SRGAP2: variants seen among roughly 807,000 people sequenced by gnomAD.
The protein encoded by SRGAP2 is SLIT-ROBO Rho GTPase-activating protein 2.
Under a neutral mutation model 57.2 loss-of-function variants are expected in SRGAP2, and 15 were observed. The observed-to-expected ratio is 0.26, with a 90% CI of 0.18 to 0.40. The LOEUF (loss-of-function observed/expected upper bound fraction) is 0.40, where lower values mean the gene tolerates loss of function less well. SRGAP2 is among the 10% of genes least tolerant of loss of function. The probability of loss-of-function intolerance (pLI) is 1.00; values close to 1 mark genes in which losing one functional copy is unlikely to be tolerated. For missense variants in SRGAP2, 520 were observed against 669.6 expected (o/e 0.78, Z 2.47); for synonymous variants, 249 against 248.0 (o/e 1.00, Z -0.04).
chr1:206,432,356 G>A (rs1158550658), intron 14 of SRGAP2, among the ~76,000 whole-genome samples: 4 of 152,160 alleles, frequency 2.6e-5, no homozygotes, highest in Non-Finnish European at 5.9e-5. Flanking sequence ...CTCTTTGGAA[G>A]GGAATTTGGC....
At chr1:206,236,268 T>C (rs1388451464) in intron 2 of SRGAP2, among the ~76,000 whole-genome samples, 1 of 151,644 alleles carries the variant, frequency 6.6e-6, no homozygotes, top group Non-Finnish European at 1.5e-5. Context: ...TTTCAGTGTG[T>C]GGAATCTTGT....
intron 4 of SRGAP2, among the ~76,000 whole-genome samples, chr1:206,359,798 C>CTTTTTTTTTTTTTTTTTTT (rs1166916482): frequency 2.8e-5 from 2 of 70,228 alleles, no homozygotes; most frequent in African/African-American, 1.2e-4. Context: ...GGATATTGCT[C>CTTTTTTTTTTTTTTTTTTT]TTTTTTTTTT....
At chr1:206,356,924 A>G (rs1676484201) in intron 4 of SRGAP2, among the ~76,000 whole-genome samples, 1 of 144,110 alleles carries the variant, frequency 6.9e-6, no homozygotes, top group Non-Finnish European at 1.5e-5. Flanking sequence ...GTTCTCTACA[A>G]ATCATTTGGG....
chr1:206,425,434 T>A (rs1660705459), intron 13 of SRGAP2, among the ~76,000 whole-genome samples: 2 of 152,230 alleles, frequency 1.3e-5, no homozygotes, highest in Non-Finnish European at 2.9e-5. Flanking sequence ...TAAATTATTA[T>A]TAACTATTAT....
At chr1:206,322,565 C>G in intron 3 of SRGAP2, among the ~76,000 whole-genome samples, 1 of 137,806 alleles carries the variant, frequency 7.3e-6, no homozygotes. Context: ...GGGTGACAGA[C>G]CGAGACTCCA....
chr1:206,415,782 A>C, intron 10 of SRGAP2, 107 bp from the exon 11 acceptor site: 1 of 695,074 alleles, frequency 1.4e-6, no homozygotes, highest in Non-Finnish European at 2.6e-6. Flanking sequence ...AAATTGGGTC[A>C]GAAACCAAAT....
chr1:206,347,156 C>T (rs1478406767), intron 4 of SRGAP2, among the ~76,000 whole-genome samples: 19 of 147,654 alleles, frequency 1.3e-4, no homozygotes, highest in Admixed American at 2.7e-4. Context: ...GAGGCTGAGA[C>T]GGGAAGGATC....
chr1:206,456,922 T>G (rs2103412529), intron 21 of SRGAP2, among the ~76,000 whole-genome samples: 1 of 152,280 alleles, frequency 6.6e-6, no homozygotes, highest in South Asian at 2.1e-4. Context: ...CCTTCAAGAC[T>G]CAGTCCGAAG....
rs537664278 is a variant in SRGAP2 at position 206,248,342 on chromosome 1, G to GA, written c.67+42308dup. On this transcript the variant is annotated intron_variant, in intron 2 of 22. Coordinates refer to ENST00000573034, the MANE Select transcript of SRGAP2 (RefSeq NM_015326.5). ...TGGTAACTTCATCCGGCCTCTCAGG[G>GA]AAATAACCAAGTTGTTCAGATTCTT... Among the ~76,000 whole-genome samples the GA allele has an allele frequency of 1.4e-4, 22 of 152,244 alleles. No homozygotes were observed. The East Asian group carries it at 4.1e-3, about 28-fold the overall frequency.
intron 2 of SRGAP2, among the ~76,000 whole-genome samples, chr1:206,281,821 C>A (rs1329398037): frequency 3.3e-4 from 41 of 123,782 alleles, no homozygotes; most frequent in Middle Eastern, 4.1e-3. Flanking sequence ...AACAAACAAA[C>A]AAAAAAAACT....
At chr1:206,370,047 C>T (rs1469041310) in intron 4 of SRGAP2, among the ~76,000 whole-genome samples, 7 of 150,962 alleles carry the variant, frequency 4.6e-5, no homozygotes, top group Admixed American at 1.3e-4. Context: ...GGGCAGATCA[C>T]GAGGTCCGGA....
intron 20 of SRGAP2, chr1:206,453,999 G>A (rs1553377229): frequency 2.2e-5 from 14 of 642,030 alleles, no homozygotes; most frequent in Non-Finnish European, 2.0e-5. Flanking sequence ...GCTGTTGGTT[G>A]ATTCTCACAC....
chr1:206,226,763 A>G (rs1667296199), intron 2 of SRGAP2, among the ~76,000 whole-genome samples: 1 of 152,204 alleles, frequency 6.6e-6, no homozygotes, highest in African/African-American at 2.4e-5. Context: ...TGTTTGTTAA[A>G]GTGAATCACC....
At chr1:206,306,533 C>T (rs1672210793) in intron 3 of SRGAP2, among the ~76,000 whole-genome samples, 2 of 152,092 alleles carry the variant, frequency 1.3e-5, no homozygotes, top group South Asian at 4.1e-4. Flanking sequence ...ACAAACCTTC[C>T]ACCGTGTGGA....
chr1:206,335,126 A>G (rs1266938480), intron 3 of SRGAP2, among the ~76,000 whole-genome samples: 1 of 150,098 alleles, frequency 6.7e-6, no homozygotes, highest in African/African-American at 2.5e-5. Flanking sequence ...AACTGAGTGA[A>G]TGAGTCAGCT....
intron 17 of SRGAP2, among the ~76,000 whole-genome samples, chr1:206,442,794 G>A (rs1553372498): frequency 1.3e-5 from 2 of 152,198 alleles, no homozygotes; most frequent in Non-Finnish European, 2.9e-5. Context: ...GAAGACAGCA[G>A]CTGACAGGTG....
chr1:206,327,941 A>G (rs1446206413), intron 3 of SRGAP2, among the ~76,000 whole-genome samples: 2 of 99,878 alleles, frequency 2.0e-5, no homozygotes, highest in Non-Finnish European at 3.8e-5. Flanking sequence ...ATATCTCCCA[A>G]TGCTATCCCT....
chr1:206,410,345 A>G (rs1558401558), intron 10 of SRGAP2, among the ~76,000 whole-genome samples: 1 of 152,238 alleles, frequency 6.6e-6, no homozygotes, highest in Non-Finnish European at 1.5e-5. Context: ...TATAACACAT[A>G]GTTCATCAAT....
At chr1:206,413,165 G>T (rs1443460469) in intron 10 of SRGAP2, among the ~76,000 whole-genome samples, 2 of 152,240 alleles carry the variant, frequency 1.3e-5, no homozygotes, top group East Asian at 3.8e-4. Flanking sequence ...TTTGAGAACT[G>T]TGGCTGTTTT....
Sources: allele counts gnomAD v4.1 joint callset (sites outside exome capture counted in the v4.1 genomes callset), GRCh38; gene constraint gnomAD v4.1.1; transcripts MANE v1.5; gene names NCBI Gene and HGNC (gene_info 2026-07-23, HGNC 2026-07-21).